Variants in BABAM2 observed in about 807,000 individuals in gnomAD.
The protein encoded by BABAM2 is BRISC and BRCA1-A complex member 2.
A neutral mutation model predicts 54.7 loss-of-function variants in BABAM2; 31 were observed. The observed-to-expected ratio is 0.57, with a 90% confidence interval of 0.43 to 0.77. The LOEUF (loss-of-function observed/expected upper bound fraction) is 0.77, where lower values mean the gene tolerates loss of function less well. Ranked by LOEUF, BABAM2 falls within the 30% of genes least tolerant of loss-of-function variation. BABAM2 has a pLI of 0.00. For synonymous variants in BABAM2, 167 were observed against 162.9 expected, an observed-to-expected ratio of 1.03 and a Z score of -0.19; for missense variants, 364 against 455.8, an observed-to-expected ratio of 0.80 and a Z score of 1.83.
rs536520461 is a variant in BABAM2 at position 28,065,629 on chromosome 2, A to C, written c.570+19830A>C. Among the ~76,000 whole-genome samples the C allele has an allele frequency of 3.9e-5, 6 of 152,318 alleles. No individual in the cohort carries two copies. In the South Asian group the frequency reaches 1.0e-3, roughly 26 times the overall value. Reference sequence around the variant, plus strand: ...GCTAAGCTATAGATAGGTTTTGTGTAGTTTTCCATATTTGTATTTTATTTT... The same window carrying C: ...GCTAAGCTATAGATAGGTTTTGTGTCGTTTTCCATATTTGTATTTTATTTT... On this transcript the variant is annotated intron_variant, in intron 6 of 11. Coordinates refer to ENST00000379624, the MANE Select transcript of BABAM2 (RefSeq NM_199191.3).
At chr2:27,978,171 T>C (rs1281687803) in intron 3 of BABAM2, among the ~76,000 whole-genome samples, 3 of 152,134 alleles carry the variant, frequency 2.0e-5, no homozygotes, top group Non-Finnish European at 4.4e-5. Context: ...GGTGCTGTCC[T>C]TGTGATAATG....
chr2:27,961,093 ATT>A, intron 3 of BABAM2, among the ~76,000 whole-genome samples: 1 of 149,038 alleles, frequency 6.7e-6, no homozygotes, highest in East Asian at 2.0e-4. Flanking sequence ...GTGGTTGGTT[ATT>A]TTTTTTTTGT....
chr2:28,072,183 T>G (rs182022215), intron 6 of BABAM2, among the ~76,000 whole-genome samples: 1 of 152,020 alleles, frequency 6.6e-6, no homozygotes, highest in African/African-American at 2.4e-5. Flanking sequence ...TGGATTCTTT[T>G]TTTTTTTTGA....
chr2:28,088,237 A>G (rs1665850475), intron 6 of BABAM2, among the ~76,000 whole-genome samples: 1 of 152,170 alleles, frequency 6.6e-6, no homozygotes, highest in South Asian at 2.1e-4. Context: ...TCAGAAAACA[A>G]GTGTGTATCT....
intron 7 of BABAM2, among the ~76,000 whole-genome samples, chr2:28,220,496 AAACT>A (rs1438016401): frequency 1.3e-5 from 2 of 152,086 alleles, no homozygotes; most frequent in Admixed American, 1.3e-4. Context: ...CTTCACAATC[AAACT>A]GTGTTCTTAT....
chr2:28,169,229 G>A (rs1674053109), intron 7 of BABAM2, among the ~76,000 whole-genome samples: 1 of 152,092 alleles, frequency 6.6e-6, no homozygotes, highest in East Asian at 1.9e-4. Flanking sequence ...AATGTCTTTG[G>A]TTAAGAGGAA....
chr2:28,204,894 A>G (rs1160757606), intron 7 of BABAM2, among the ~76,000 whole-genome samples: 1 of 152,116 alleles, frequency 6.6e-6, no homozygotes, highest in Admixed American at 6.6e-5. Context: ...TGGACCTTGC[A>G]TGTTAACTAA....
intron 3 of BABAM2, among the ~76,000 whole-genome samples, chr2:27,969,450 G>A (rs1671051943): frequency 6.6e-6 from 1 of 152,180 alleles, no homozygotes; most frequent in Non-Finnish European, 1.5e-5. Flanking sequence ...CAACCCCCCA[G>A]CTATGTGAAA....
intron 3 of BABAM2, among the ~76,000 whole-genome samples, chr2:27,983,942 C>CTTTTTTTGTTTTTTTTTTTTTTT (rs1672199060): frequency 3.2e-5 from 1 of 31,138 alleles, no homozygotes; most frequent in African/African-American, 1.4e-4. Flanking sequence ...CATTTTGTAC[C>CTTTTTTTGTTTTTTTTTTTTTTT]TTTTTTTTTT....
chr2:28,007,907 A>G (rs1240083244), intron 4 of BABAM2, among the ~76,000 whole-genome samples: 2 of 152,086 alleles, frequency 1.3e-5, no homozygotes, highest in African/African-American at 4.8e-5. Context: ...CCACAGATTA[A>G]CTTGGCTCCC....
chr2:28,243,778 A>G (rs1037922417), intron 9 of BABAM2, among the ~76,000 whole-genome samples: 4 of 152,100 alleles, frequency 2.6e-5, no homozygotes, highest in African/African-American at 9.7e-5. Flanking sequence ...ATGATATACC[A>G]ACCATTTTTT....
At chr2:28,132,511 A>G (rs1670178847) in intron 7 of BABAM2, among the ~76,000 whole-genome samples, 1 of 152,066 alleles carries the variant, frequency 6.6e-6, no homozygotes. Flanking sequence ...TTCCCCTCAT[A>G]TACTGTTTCC....
At chr2:28,310,950 C>T (rs1009053932) in intron 11 of BABAM2, among the ~76,000 whole-genome samples, 3 of 151,224 alleles carry the variant, frequency 2.0e-5, no homozygotes, top group Admixed American at 6.6e-5. Flanking sequence ...AAAATTAACT[C>T]AGGTGTGCCC....
intron 3 of BABAM2, among the ~76,000 whole-genome samples, chr2:27,967,922 G>A (rs1670941864): frequency 2.6e-5 from 4 of 152,192 alleles, no homozygotes; most frequent in Admixed American, 6.5e-5. Flanking sequence ...CATTCAAAAG[G>A]TGACTTGGGT....
intron 3 of BABAM2, among the ~76,000 whole-genome samples, chr2:27,955,239 A>G (rs996959180): frequency 2.0e-5 from 3 of 152,122 alleles, no homozygotes; most frequent in African/African-American, 7.2e-5. Flanking sequence ...TTTGCAACAG[A>G]TCAGTATTTT....
At chr2:27,948,387 A>C (rs913968979) in intron 3 of BABAM2, among the ~76,000 whole-genome samples, 1 of 152,130 alleles carries the variant, frequency 6.6e-6, no homozygotes, top group African/African-American at 2.4e-5. Flanking sequence ...TCTGTGAATG[A>C]CAGTTTTAGT....
chr2:27,962,421 A>C (rs1231219517), intron 3 of BABAM2, among the ~76,000 whole-genome samples: 1 of 152,194 alleles, frequency 6.6e-6, no homozygotes, highest in African/African-American at 2.4e-5. Flanking sequence ...AATGTGGGAA[A>C]TATGAGGGAA....
At chr2:28,290,613 C>A (rs1405101110) in intron 10 of BABAM2, among the ~76,000 whole-genome samples, 1 of 152,180 alleles carries the variant, frequency 6.6e-6, no homozygotes, top group Non-Finnish European at 1.5e-5. Flanking sequence ...ACTAAAATAA[C>A]TAATTCACAG....
intron 1 of BABAM2, among the ~76,000 whole-genome samples, chr2:27,891,340 C>T (rs1664825219): frequency 6.6e-6 from 1 of 152,162 alleles, no homozygotes. Flanking sequence ...TGTTTGTCAT[C>T]TCATTTTAAT....
Sources: allele counts gnomAD v4.1 joint callset (sites outside exome capture counted in the v4.1 genomes callset), GRCh38; gene constraint gnomAD v4.1.1; transcripts MANE v1.5; gene names NCBI Gene and HGNC (gene_info 2026-07-23, HGNC 2026-07-21).